The following TENM2 variants were observed in gnomAD, a reference collection of about 807,000 sequenced individuals.
TENM2 encodes teneurin-2.
In TENM2, 52 loss-of-function variants were observed where a neutral mutation model predicts 245.2. The observed-to-expected ratio is 0.21, with a 90% CI of 0.17 to 0.27. The LOEUF is 0.27. Ranked by LOEUF, TENM2 falls within the 10% of genes least tolerant of loss-of-function variation. The pLI is 1.00. For missense variants in TENM2, 3,046 were observed against 3,666.8 expected (o/e 0.83, Z 4.37); for synonymous variants, 1,363 against 1,438.9 (o/e 0.95, Z 1.19).
chr5:167,685,056 C>A (rs1756982594), intron 2 of TENM2, among the ~76,000 whole-genome samples: 1 of 152,144 alleles, frequency 6.6e-6, no homozygotes, highest in African/African-American at 2.4e-5. Flanking sequence ...ACTCTGAGGA[C>A]CTCATGTGGA....
chr5:166,979,034 C>A, the TENM2 span, among the ~76,000 whole-genome samples: 1 of 151,830 alleles, frequency 6.6e-6, no homozygotes, highest in Admixed American at 6.6e-5. Flanking sequence ...CGTGTGTGCG[C>A]GCGAGAGCTC....
At position 167,849,815 on chromosome 5, in the gene TENM2, A is replaced by G. The variant is rs138434500; in HGVS notation, c.503-26171A>G. Among the ~76,000 whole-genome samples the G allele has an allele frequency of 8.9e-3, 1,363 of 152,330 alleles. 18 individuals are homozygous for G. Among genetic ancestry groups the G allele is most frequent in the African/African-American group, 0.032 (1,310 of 41,564 alleles). ...TTACAAAGGACACAGATGAACAGCC[A>G]GATAGAAGAGATGCATACGGCAAGT... is the stretch of plus-strand genomic sequence containing the variant. On this transcript the variant is annotated intron_variant, in intron 2 of 28. Transcript: ENST00000518659.
At chr5:168,101,266 A>G (rs889824829) in intron 9 of TENM2, among the ~76,000 whole-genome samples, 14 of 152,174 alleles carry the variant, frequency 9.2e-5, no homozygotes, top group African/African-American at 3.1e-4. Context: ...TCGGCCTTTT[A>G]TATGTGGCTG....
At chr5:168,039,485 A>T (rs532908873) in intron 5 of TENM2, among the ~76,000 whole-genome samples, 2 of 152,314 alleles carry the variant, frequency 1.3e-5, no homozygotes, top group South Asian at 4.1e-4. Context: ...TACCGATATT[A>T]TCATTCTCTA....
the TENM2 span, among the ~76,000 whole-genome samples, chr5:167,032,466 C>T: frequency 5.9e-5 from 9 of 152,158 alleles, no homozygotes; most frequent in African/African-American, 1.9e-4. Context: ...TGGAAACCAA[C>T]GAAATGCCCT....
At chr5:167,024,724 G>A in the TENM2 span, among the ~76,000 whole-genome samples, 1 of 152,170 alleles carries the variant, frequency 6.6e-6, no homozygotes, top group Non-Finnish European at 1.5e-5. Context: ...ATGCTAGCAA[G>A]CCAGGGCTAG....
At chr5:167,465,457 A>G (rs966835075) in intron 2 of TENM2, among the ~76,000 whole-genome samples, 2 of 152,214 alleles carry the variant, frequency 1.3e-5, no homozygotes, top group African/African-American at 4.8e-5. Flanking sequence ...TGCAATCTCC[A>G]TGATCTCACT....
intron 3 of TENM2, among the ~76,000 whole-genome samples, chr5:167,931,876 G>T (rs141772757): frequency 6.6e-6 from 1 of 152,318 alleles, no homozygotes; most frequent in African/African-American, 2.4e-5. Context: ...TTGCAGAGAT[G>T]AAATCTGCAT....
intron 2 of TENM2, among the ~76,000 whole-genome samples, chr5:167,739,873 C>A (rs765075531): frequency 7.9e-5 from 12 of 152,160 alleles, no homozygotes; most frequent in Non-Finnish European, 1.8e-4. Flanking sequence ...TCCTCCCCAT[C>A]CCCAGTGCAG....
At chr5:166,993,679 T>C in the TENM2 span, among the ~76,000 whole-genome samples, 1 of 152,208 alleles carries the variant, frequency 6.6e-6, no homozygotes, top group Non-Finnish European at 1.5e-5. Context: ...TAAGTAAATG[T>C]CAACCCAGTG....
At chr5:168,198,808 A>G in intron 15 of TENM2, 45 bp from the exon 18 acceptor site, 1 of 1,595,012 alleles carries the variant, frequency 6.3e-7, no homozygotes, top group Non-Finnish European at 8.6e-7. Flanking sequence ...TGCCTTGTCT[A>G]AAAGTGAGTC....
At chr5:167,407,341 A>G (rs1334653229) in intron 2 of TENM2, among the ~76,000 whole-genome samples, 3 of 152,144 alleles carry the variant, frequency 2.0e-5, no homozygotes. Flanking sequence ...GCAAACTAGA[A>G]CATAGGTACT....
intron 2 of TENM2, among the ~76,000 whole-genome samples, chr5:167,851,977 A>G (rs937915626): frequency 2.0e-5 from 3 of 152,352 alleles, no homozygotes; most frequent in Middle Eastern, 3.4e-3. Context: ...TGTACTATAG[A>G]TGAAATGTGT....
At chr5:168,003,966 A>T (rs1479484478) in intron 5 of TENM2, among the ~76,000 whole-genome samples, 5 of 152,286 alleles carry the variant, frequency 3.3e-5, no homozygotes, top group African/African-American at 1.2e-4. Flanking sequence ...TGTCTAATTG[A>T]TCTCCACGTA....
At chr5:167,904,020 C>T (rs185682068) in intron 3 of TENM2, among the ~76,000 whole-genome samples, 3 of 152,240 alleles carry the variant, frequency 2.0e-5, no homozygotes, top group South Asian at 2.1e-4. Context: ...TTCATCTGAG[C>T]GGTCAATTTA....
intron 2 of TENM2, among the ~76,000 whole-genome samples, chr5:167,820,151 A>G (rs998847416): frequency 6.6e-6 from 1 of 152,088 alleles, no homozygotes; most frequent in Non-Finnish European, 1.5e-5. Flanking sequence ...TGTGGTGGCC[A>G]TATTTTAATT....
chr5:168,119,129 T>G (rs1271272407), intron 10 of TENM2, among the ~76,000 whole-genome samples: 1 of 152,194 alleles, frequency 6.6e-6, no homozygotes, highest in Non-Finnish European at 1.5e-5. Context: ...TAGGGCAAAT[T>G]AGCTTGGTTA....
intron 5 of TENM2, among the ~76,000 whole-genome samples, chr5:168,037,880 G>C (rs1030706449): frequency 6.6e-6 from 1 of 152,226 alleles, no homozygotes; most frequent in African/African-American, 2.4e-5. Flanking sequence ...GTCTGGACCA[G>C]ATGGCCTTTG....
At chr5:167,673,599 A>G (rs1166870277) in intron 2 of TENM2, among the ~76,000 whole-genome samples, 1 of 152,114 alleles carries the variant, frequency 6.6e-6, no homozygotes, top group Non-Finnish European at 1.5e-5. Context: ...GTAGCATAGG[A>G]GGATAATAGT....
Sources: gnomAD v4.1 joint callset for allele counts (sites outside exome capture counted in the v4.1 genomes callset) on GRCh38, gnomAD v4.1.1 for gene constraint, MANE v1.5 for transcripts, NCBI Gene and HGNC (gene_info 2026-07-23, HGNC 2026-07-21) for gene names.